The following WWTR1 variants were observed in gnomAD, a reference collection of about 807,000 sequenced individuals.
WWTR1 encodes WW domain-containing transcription regulator protein 1.
A neutral mutation model predicts 40.1 loss-of-function variants in WWTR1; 13 were observed. That is an observed-to-expected ratio of 0.32 (90% CI 0.21 to 0.52). WWTR1 has a LOEUF of 0.52. Among genes scored for constraint, WWTR1 ranks in the 20% least tolerant of loss-of-function variants. The pLI is 0.97. For synonymous variants in WWTR1, 230 were observed against 210.1 expected, an observed-to-expected ratio of 1.09 and a Z score of -0.82; for missense variants, 436 against 523.1, an observed-to-expected ratio of 0.83 and a Z score of 1.63.
intron 2 of WWTR1, among the ~76,000 whole-genome samples, chr3:149,668,265 A>G (rs1713916957): frequency 6.6e-6 from 1 of 152,132 alleles, no homozygotes; most frequent in Non-Finnish European, 1.5e-5. Context: ...ATTTAAATAC[A>G]TTATCATGTG....
At chr3:149,619,066 A>C (rs1740141943) in intron 2 of WWTR1, among the ~76,000 whole-genome samples, 1 of 152,226 alleles carries the variant, frequency 6.6e-6, no homozygotes, top group Non-Finnish European at 1.5e-5. Flanking sequence ...AAACAATGGC[A>C]GAGAGGAATA....
At position 149,517,975 on chromosome 3, in the gene WWTR1, T is replaced by C. The variant is rs1734866741; in HGVS notation, c.*2830A>G. 6.6e-6 allele frequency: 1 copy of C among 152,102 alleles called. No individual in the cohort carries two copies. The highest frequency in any genetic ancestry group is 2.4e-5 in the African/African-American group (1 of 41,408). 9.4% of individuals were successfully genotyped at this position (152,102 alleles called of 1,614,324 possible). ...ACTAAGAAGACTAAAGACAGTTATCTTATAATAAGAAATATAGTATAAATA... is the reference window on the plus strand; with the variant it reads ...ACTAAGAAGACTAAAGACAGTTATCCTATAATAAGAAATATAGTATAAATA... On this transcript the variant is annotated 3_prime_UTR_variant, in exon 7 of 7. Transcript: ENST00000360632.
chr3:149,632,753 A>G (rs917107224), intron 2 of WWTR1, among the ~76,000 whole-genome samples: 6 of 152,268 alleles, frequency 3.9e-5, no homozygotes, highest in South Asian at 2.1e-4. Context: ...ATGCTACAAC[A>G]TAGAGGAGCC....
chr3:149,716,951 C>T (rs560775914), intron 5 of WWTR1, among the ~76,000 whole-genome samples: 27 of 152,200 alleles, frequency 1.8e-4, no homozygotes, highest in Non-Finnish European at 3.5e-4. Flanking sequence ...CTGAGGTGGG[C>T]GGGTTACTTG....
Position 149,657,084 on chromosome 3 carries a change from C to T in WWTR1, c.223G>A (p.Gly75Arg), listed in dbSNP as rs771394606. ...SSTDSSGGHPGPRLAGGAQHV... is the reference protein window; with the variant it reads ...SSTDSSGGHPRPRLAGGAQHV... ...TGGGCACCCCCAGCCAGTCGAGGCC[C>T]CGGGTGGCCGCCCGACGAGTCGGTG... The change falls in exon 2 of 7, where the codon GGG becomes AGG. Residue 75 changes from glycine to arginine, a missense_variant. Gly to Arg is a moderately radical substitution (Grantham distance 125). Transcript: ENST00000360632. 47 of 1,569,932 alleles carry T rather than the reference C, an allele frequency of 3.0e-5. No individual in the cohort carries two copies. Among genetic ancestry groups the T allele is most frequent in the Non-Finnish European group, 3.8e-5 (44 of 1,161,256 alleles).
At chr3:149,675,562 T>C (rs1714234015) in intron 1 of WWTR1, among the ~76,000 whole-genome samples, 1 of 152,078 alleles carries the variant, frequency 6.6e-6, no homozygotes, top group Non-Finnish European at 1.5e-5. Context: ...CCGAAGAAAT[T>C]TGGACAGCCA....
In WWTR1 at chr3:149,526,659, G is replaced by T. The variant is rs529779506; in HGVS notation, c.906-534C>A. Among the ~76,000 whole-genome samples, 20 of 152,212 alleles carry T rather than the reference G, an allele frequency of 1.3e-4. No individual in the cohort carries two copies. In the South Asian group the frequency reaches 4.2e-3, roughly 32 times the overall value. ...TGGCAAATCTGGGTAGTGGGTACAT[G>T]GGTAATTCATGTTATTCTTTGTACT... On this transcript the variant is annotated intron_variant, in intron 5 of 6. Coordinates refer to ENST00000360632, the MANE Select transcript of WWTR1 (RefSeq NM_015472.6).
At chr3:149,555,477 C>T (rs1736785691) in intron 3 of WWTR1, among the ~76,000 whole-genome samples, 1 of 149,042 alleles carries the variant, frequency 6.7e-6, no homozygotes, top group Non-Finnish European at 1.5e-5. Context: ...GGGCCAGGAC[C>T]ACTCAGGAAA....
intron 3 of WWTR1, among the ~76,000 whole-genome samples, chr3:149,566,125 T>C (rs1158379571): frequency 6.6e-6 from 1 of 152,082 alleles, no homozygotes; most frequent in Non-Finnish European, 1.5e-5. Flanking sequence ...GACTAAGAGT[T>C]CGAGACCAGC....
At position 149,568,523 on chromosome 3, in the gene WWTR1, C is replaced by CAAAAAAAAAAAAAAAAAAAAAAAAA. The variant is rs34414853; in HGVS notation, c.568+4316_568+4340dup. Among the ~76,000 whole-genome samples the CAAAAAAAAAAAAAAAAAAAAAAAAA allele has an allele frequency of 7.7e-5, 5 of 64,812 alleles. 1 individual carries two copies. The highest frequency in any genetic ancestry group is 1.3e-4 in the Non-Finnish European group (4 of 31,612). 42.5% of individuals were successfully genotyped at this position (64,812 alleles called of 152,430 possible). A position where few individuals can be genotyped will look rare whatever the true frequency, so the allele number is the denominator to read the frequency against. ...GGAGATGGCTATTTGAATTAAAGTG[C>CAAAAAAAAAAAAAAAAAAAAAAAAA]AAAAAAAAAAAAAAAAAAAAAAAAA... On this transcript the variant is annotated intron_variant, in intron 3 of 6. Coordinates refer to ENST00000360632, the MANE Select transcript of WWTR1 (RefSeq NM_015472.6).
chr3:149,620,248 TAAAG>T (rs1222473592), intron 2 of WWTR1, among the ~76,000 whole-genome samples: 1 of 152,036 alleles, frequency 6.6e-6, no homozygotes, highest in Non-Finnish European at 1.5e-5. Flanking sequence ...ATTTTTTAGA[TAAAG>T]AACCCATAAA....
intron 2 of WWTR1, among the ~76,000 whole-genome samples, chr3:149,604,917 G>A (rs1269205626): frequency 6.6e-6 from 1 of 152,236 alleles, no homozygotes; most frequent in African/African-American, 2.4e-5. Context: ...AATGTCAATG[G>A]AAGGCTTGAG....
chr3:149,593,097 A>G (rs1250172168), intron 2 of WWTR1, among the ~76,000 whole-genome samples: 1 of 152,202 alleles, frequency 6.6e-6, no homozygotes, highest in Admixed American at 6.5e-5. Flanking sequence ...TAGGCTGGGC[A>G]TACCAATGAT....
intron 3 of WWTR1, among the ~76,000 whole-genome samples, chr3:149,555,380 G>C (rs1413472628): frequency 6.6e-6 from 1 of 151,898 alleles, no homozygotes; most frequent in African/African-American, 2.4e-5. Flanking sequence ...AGCTTCGTAA[G>C]GAATCACACT....
intron 2 of WWTR1, among the ~76,000 whole-genome samples, chr3:149,575,699 C>T (rs569460318): frequency 2.0e-4 from 31 of 152,344 alleles, no homozygotes; most frequent in African/African-American, 7.0e-4. Context: ...CCACTCTCCC[C>T]TCCCGTTCTG....
intron 2 of WWTR1, among the ~76,000 whole-genome samples, chr3:149,590,268 A>T (rs1419710017): frequency 6.6e-6 from 1 of 152,190 alleles, no homozygotes; most frequent in African/African-American, 2.4e-5. Context: ...TCTGATAATA[A>T]TAGTTGACAT....
At chr3:149,616,450 T>TC (rs2108076648) in intron 2 of WWTR1, among the ~76,000 whole-genome samples, 1 of 152,144 alleles carries the variant, frequency 6.6e-6, no homozygotes, top group African/African-American at 2.4e-5. Context: ...CTCTCTTTTT[T>TC]TTTTTTTCCG....
chr3:149,673,829 T>C (rs1316206452), intron 1 of WWTR1, among the ~76,000 whole-genome samples: 1 of 152,044 alleles, frequency 6.6e-6, no homozygotes, highest in East Asian at 1.9e-4. Context: ...CCCTCCCCTA[T>C]TCCCCAGAGG....
Position 149,672,242 on chromosome 3 carries a change from G to A in WWTR1, c.-107-2351C>T, listed in dbSNP as rs543024187. 7.2e-5 allele frequency among the ~76,000 whole-genome samples: 11 copies of A among 152,276 alleles called. No homozygotes were observed. In the South Asian group the frequency reaches 1.9e-3, roughly 26 times the overall value. On this transcript the variant is annotated intron_variant, in intron 1 of 7. Coordinates refer to the WWTR1 transcript ENST00000465804. Reference sequence around the variant, plus strand: ...ACTGTCTGGCTTTTTACCAAAGTTCGCCAACCGCTTTCCTAGAGCCTCATT... The same window carrying A: ...ACTGTCTGGCTTTTTACCAAAGTTCACCAACCGCTTTCCTAGAGCCTCATT...
Sources: allele counts gnomAD v4.1 joint callset (sites outside exome capture counted in the v4.1 genomes callset), GRCh38; gene constraint gnomAD v4.1.1; transcripts MANE v1.5; gene names NCBI Gene and HGNC (gene_info 2026-07-23, HGNC 2026-07-21).